CLIC2: variants seen among roughly 807,000 people sequenced by gnomAD.
CLIC2 encodes the protein CLIC family member 2.
CLIC2 carries 9 observed loss-of-function variants against 14.8 expected under a neutral mutation model. The ratio of observed to expected loss-of-function variants is 0.61; its 90% CI spans 0.37 to 1.06. The LOEUF is 1.06. Among genes scored for constraint, CLIC2 ranks in the 50% least tolerant of loss-of-function variants. The probability of loss-of-function intolerance (pLI) is 0.01; values close to 1 mark genes in which losing one functional copy is unlikely to be tolerated. For missense variants in CLIC2, 148 were observed against 181.4 expected, an observed-to-expected ratio of 0.82 and a Z score of 1.06; for synonymous variants, 61 against 66.3, an observed-to-expected ratio of 0.92 and a Z score of 0.39.
chrX:155,333,364 T>A (rs2075163532), intron 1 of CLIC2, among the ~76,000 whole-genome samples: 1 of 111,125 alleles, frequency 9.0e-6, no homozygotes, highest in African/African-American at 3.3e-5. Context: ...TGTAATGAAG[T>A]AGTAATAACT....
intron 1 of CLIC2, among the ~76,000 whole-genome samples, chrX:155,316,045 T>C (rs1332205922): frequency 9.0e-6 from 1 of 111,659 alleles, no homozygotes; most frequent in Admixed American, 9.5e-5. Context: ...ATAAAAGGAC[T>C]AGTCCAACAG....
At chrX:155,279,458 C>G (rs1016835336) in intron 4 of CLIC2, 128 bp from the exon 5 acceptor site, 10 of 493,133 alleles carry the variant, frequency 2.0e-5, no homozygotes, top group Non-Finnish European at 3.1e-5. Context: ...TCTTCAATAT[C>G]TAGTTAACTA....
chrX:155,316,770 T>C (rs1185155609), intron 1 of CLIC2, among the ~76,000 whole-genome samples: 4 of 110,915 alleles, frequency 3.6e-5, no homozygotes, highest in Admixed American at 1.9e-4. Flanking sequence ...GTCCCAAAAC[T>C]GAAGAACATG....
intron 3 of CLIC2, among the ~76,000 whole-genome samples, chrX:155,283,666 C>T (rs1176152552): frequency 9.1e-6 from 1 of 110,136 alleles, no homozygotes; most frequent in East Asian, 2.8e-4. Context: ...GTTTTTTGTC[C>T]TTGCCATACT....
At position 155,298,940 on chromosome X, in the gene CLIC2, G is replaced by A. The variant is rs782341273; in HGVS notation, c.168-30C>T. On this transcript the variant is annotated intron_variant, in intron 2 of 5. Coordinates refer to ENST00000369449, the MANE Select transcript of CLIC2 (RefSeq NM_001289.6). ...GATTATTAAAAATAAGCAGAGTTAG[G>A]TCTCTAGATAAAGTACACATTAAAT... 7.5e-6 allele frequency: 9 copies of A among 1,197,549 alleles called. No homozygotes were observed. The South Asian group carries it at 1.4e-4, about 19-fold the overall frequency.
At chrX:155,283,995 G>A (rs2074930541) in intron 3 of CLIC2, among the ~76,000 whole-genome samples, 1 of 111,445 alleles carries the variant, frequency 9.0e-6, no homozygotes, top group Admixed American at 9.6e-5. Flanking sequence ...CTTAGTTTTT[G>A]AGGGTTGGTT....
chrX:155,319,828 A>T lies in CLIC2; in HGVS notation c.57+14543T>A, dbSNP rs1032450551. Among the ~76,000 whole-genome samples, 3 of 112,258 alleles carry T rather than the reference A, an allele frequency of 2.7e-5. No homozygotes were observed. In the Admixed American group the frequency reaches 2.8e-4, roughly 11 times the overall value. ...CCACTGGCTTGAAATTCTCACTGCCAGCACAGCAGTCTGAAGTCGACCTGG... is the reference window on the plus strand; with the variant it reads ...CCACTGGCTTGAAATTCTCACTGCCTGCACAGCAGTCTGAAGTCGACCTGG... On this transcript the variant is annotated intron_variant, in intron 1 of 5. Coordinates refer to ENST00000369449, the MANE Select transcript of CLIC2 (RefSeq NM_001289.6).
intron 3 of CLIC2, among the ~76,000 whole-genome samples, chrX:155,282,311 G>T (rs782103262): frequency 3.4e-4 from 38 of 111,159 alleles, no homozygotes; most frequent in Non-Finnish European, 4.7e-4. Flanking sequence ...TCTCTTTTTT[G>T]CTTTATTTTT....
intron 1 of CLIC2, among the ~76,000 whole-genome samples, chrX:155,333,313 A>C (rs1426700728): frequency 1.3e-4 from 14 of 111,265 alleles, no homozygotes; most frequent in Non-Finnish European, 2.5e-4. Flanking sequence ...CCTATCTAGA[A>C]ATGATGAGAA....
At chrX:155,288,702 T>C (rs1557317315) in intron 3 of CLIC2, among the ~76,000 whole-genome samples, 1 of 111,944 alleles carries the variant, frequency 8.9e-6, no homozygotes, top group African/African-American at 3.3e-5. Flanking sequence ...TACTATAGTC[T>C]GATTATTTGT....
rs782544368 is a variant in CLIC2 at position 155,315,311 on chromosome X, G to A, written c.58-16166C>T. 3.6e-5 allele frequency among the ~76,000 whole-genome samples: 4 copies of A among 112,046 alleles called. No homozygotes were observed. In the South Asian group the frequency reaches 1.5e-3, roughly 41 times the overall value. On this transcript the variant is annotated intron_variant, in intron 1 of 5. Coordinates refer to ENST00000369449, the MANE Select transcript of CLIC2 (RefSeq NM_001289.6). ...AATTGCCTAGGCACATAGTCATCAG[G>A]TTATCTAAAATCAAGACAAACAAAA...
intron 1 of CLIC2, among the ~76,000 whole-genome samples, chrX:155,322,056 T>G (rs782385163): frequency 1.1e-3 from 122 of 111,490 alleles, no homozygotes; most frequent in Non-Finnish European, 1.9e-3. Context: ...ACCAGATTCA[T>G]AAAGCAAGTT....
At chrX:155,331,533 T>C (rs1290299004) in intron 1 of CLIC2, among the ~76,000 whole-genome samples, 1 of 111,662 alleles carries the variant, frequency 9.0e-6, no homozygotes. Context: ...ATTTATAAAG[T>C]GTTTACTACA....
chrX:155,330,839 G>A (rs1792466915), intron 1 of CLIC2, among the ~76,000 whole-genome samples: 1 of 110,326 alleles, frequency 9.1e-6, no homozygotes. Context: ...AGAATCATCT[G>A]TGTAGATATT....
At chrX:155,304,247 T>C (rs2075035388) in intron 1 of CLIC2, among the ~76,000 whole-genome samples, 1 of 103,533 alleles carries the variant, frequency 9.7e-6, no homozygotes, top group South Asian at 4.6e-4. Flanking sequence ...TCTTTTCACA[T>C]AGTCCCATAT....
intron 1 of CLIC2, among the ~76,000 whole-genome samples, chrX:155,319,473 C>G (rs1483994916): frequency 8.9e-6 from 1 of 112,075 alleles, no homozygotes; most frequent in Non-Finnish European, 1.9e-5. Context: ...ACTCCCTCCC[C>G]TAACCAAGGG....
chrX:155,316,199 C>CAG (rs1340910747), intron 1 of CLIC2, among the ~76,000 whole-genome samples: 1 of 111,448 alleles, frequency 9.0e-6, no homozygotes, highest in African/African-American at 3.3e-5. Flanking sequence ...CAGCACTAGA[C>CAG]AGGTCATCAA....
At chrX:155,290,329 G>T (rs1455031379) in intron 3 of CLIC2, 2 of 335,774 alleles carry the variant, frequency 6.0e-6, no homozygotes, top group Non-Finnish European at 1.1e-5. Context: ...TAAAAAACTA[G>T]TATTGCTATG....
At chrX:155,300,957 A>G (rs1464696062) in intron 1 of CLIC2, among the ~76,000 whole-genome samples, 8 of 65,938 alleles carry the variant, frequency 1.2e-4, no homozygotes, top group Non-Finnish European at 2.1e-4. Flanking sequence ...TGGTACCAGT[A>G]CCATGCTGTT....
Sources: gnomAD v4.1 joint callset for allele counts (sites outside exome capture counted in the v4.1 genomes callset) on GRCh38, gnomAD v4.1.1 for gene constraint, MANE v1.5 for transcripts, NCBI Gene and HGNC (gene_info 2026-07-23, HGNC 2026-07-21) for gene names.